Variants in EDEM3 observed in about 807,000 individuals in gnomAD.
The protein encoded by EDEM3 is ER degradation-enhancing alpha-mannosidase-like protein 3.
Under a neutral mutation model 110.2 loss-of-function variants are expected in EDEM3, and 60 were observed. The ratio of observed to expected loss-of-function variants is 0.54; its 90% CI spans 0.44 to 0.67. The LOEUF is 0.67. Among genes scored for constraint, EDEM3 ranks in the 30% least tolerant of loss-of-function variants. The probability of loss-of-function intolerance (pLI) is 0.00; values close to 1 mark genes in which losing one functional copy is unlikely to be tolerated. For missense variants in EDEM3, 996 were observed against 1,121.0 expected (o/e 0.89, Z 1.59); for synonymous variants, 352 against 382.9 (o/e 0.92, Z 0.94).
Position 184,712,404 on chromosome 1 carries a change from A to G in EDEM3, c.1536+29T>C, listed in dbSNP as rs746207565. The G allele has an allele frequency of 8.4e-6, 13 of 1,552,296 alleles. No homozygotes were observed. In the Admixed American group the frequency reaches 2.4e-4, roughly 29 times the overall value. ...AATAAAACATGTAGAAATAAAAAAG[A>G]GAATAAGACATTTCATTTAAAAACT... On this transcript the variant is annotated intron_variant, in intron 14 of 19. Coordinates refer to ENST00000318130, the MANE Select transcript of EDEM3 (RefSeq NM_025191.4).
At chr1:184,729,168 TAAGAAA>T (rs1156636348) in intron 6 of EDEM3, among the ~76,000 whole-genome samples, 3 of 152,028 alleles carry the variant, frequency 2.0e-5, no homozygotes, top group Non-Finnish European at 4.4e-5. Flanking sequence ...TTGAGAGGTT[TAAGAAA>T]AAAAGAGATG....
At chr1:184,716,467 G>A (rs926384217) in intron 13 of EDEM3, among the ~76,000 whole-genome samples, 3 of 151,980 alleles carry the variant, frequency 2.0e-5, no homozygotes, top group African/African-American at 7.2e-5. Context: ...AGTCAGCAAC[G>A]GTGTAAGTAC....
intron 7 of EDEM3, among the ~76,000 whole-genome samples, chr1:184,724,206 C>G (rs1377049553): frequency 6.6e-6 from 1 of 151,966 alleles, no homozygotes; most frequent in Non-Finnish European, 1.5e-5. Flanking sequence ...TAATTGCTTA[C>G]ATAATTGATA....
At chr1:184,697,073 G>A (rs757883002) in intron 19 of EDEM3, among the ~76,000 whole-genome samples, 8 of 151,748 alleles carry the variant, frequency 5.3e-5, no homozygotes, top group African/African-American at 1.9e-4. Context: ...AGAAGACTAT[G>A]CAAATACCAA....
At chr1:184,696,844 C>T (rs912549099) in intron 19 of EDEM3, among the ~76,000 whole-genome samples, 8 of 151,794 alleles carry the variant, frequency 5.3e-5, no homozygotes, top group Non-Finnish European at 1.0e-4. Context: ...GGTTGTTTTA[C>T]CTGGTAATGA....
At chr1:184,704,322 C>T (rs1225544431) in intron 18 of EDEM3, among the ~76,000 whole-genome samples, 1 of 151,992 alleles carries the variant, frequency 6.6e-6, no homozygotes, top group Non-Finnish European at 1.5e-5. Flanking sequence ...ACAAAAAACT[C>T]AGGAGAAAGA....
chr1:184,707,267 G>A (rs1242003694), intron 17 of EDEM3, among the ~76,000 whole-genome samples: 1 of 152,112 alleles, frequency 6.6e-6, no homozygotes, highest in Non-Finnish European at 1.5e-5. Flanking sequence ...GGGAAAAAAT[G>A]GACTTAGTCT....
At chr1:184,719,640 C>T in intron 9 of EDEM3, 72 bp from the exon 10 acceptor site, 1 of 1,427,068 alleles carries the variant, frequency 7.0e-7, no homozygotes, top group South Asian at 1.5e-5. Flanking sequence ...CATTAAATAG[C>T]ACTGTGAATA....
chr1:184,717,584 G>C lies in EDEM3; in HGVS notation c.1201C>G (p.Pro401Ala), dbSNP rs1231250606. ...TDFRVHWAQH[P>A]LRPEFAESTY... The stretch of plus-strand genomic sequence containing the variant: ...CTTTCTGCAAATTCTGGCCTTAAAG[G>C]ATGTTGAGCCCAGTGTACTCTGAAA... Residue 401 changes from proline to alanine, a missense_variant, in exon 12 of 20, where the codon CCT becomes GCT. Physicochemically the swap from Pro to Ala is conservative, Grantham distance 27 (BLOSUM62 -1). Transcript: ENST00000318130. The C allele has an allele frequency of 6.2e-7, 1 of 1,606,400 alleles. No homozygotes were observed. Among genetic ancestry groups the C allele is most frequent in the Admixed American group, 1.7e-5 (1 of 58,600 alleles).
chr1:184,728,631 G>C (rs1337121243), intron 6 of EDEM3, among the ~76,000 whole-genome samples: 1 of 150,930 alleles, frequency 6.6e-6, no homozygotes, highest in Non-Finnish European at 1.5e-5. Context: ...TTTTTGTGGG[G>C]ATGGAGTCTC....
intron 2 of EDEM3, among the ~76,000 whole-genome samples, chr1:184,747,554 C>T (rs1250289288): frequency 6.6e-6 from 1 of 152,182 alleles, no homozygotes; most frequent in African/African-American, 2.4e-5. Context: ...AAGAGTCACT[C>T]ACATTGTAAA....
At chr1:184,719,103 C>CGTGTGTGT (rs111917956) in intron 11 of EDEM3, 59 bp downstream of exon 11, 26 of 861,518 alleles carry the variant, frequency 3.0e-5, no homozygotes, top group Non-Finnish European at 4.1e-5. Flanking sequence ...TATATGTGTA[C>CGTGTGTGT]GTGTGTGTGT....
chr1:184,737,876 C>T (rs900967001), intron 2 of EDEM3, 165 bp from the exon 3 acceptor site: 2 of 623,358 alleles, frequency 3.2e-6, no homozygotes, highest in Non-Finnish European at 5.2e-6. Flanking sequence ...AAATGTAATA[C>T]ATGCTTGGAA....
chr1:184,711,982 A>G (rs1383249748), intron 14 of EDEM3, 105 bp from the exon 15 acceptor site: 1 of 846,072 alleles, frequency 1.2e-6, no homozygotes, highest in Non-Finnish European at 1.8e-6. Context: ...GCTGCAGTGC[A>G]GTGGCGTAAT....
At chr1:184,728,603 C>CT (rs60576808) in intron 6 of EDEM3, among the ~76,000 whole-genome samples, 87 of 143,982 alleles carry the variant, frequency 6.0e-4, no homozygotes, top group South Asian at 1.8e-3. Context: ...TATTAAACAA[C>CT]TTTTTTTTTT....
At chr1:184,706,305 G>A (rs1176139730) in intron 18 of EDEM3, among the ~76,000 whole-genome samples, 1 of 152,124 alleles carries the variant, frequency 6.6e-6, no homozygotes, top group Non-Finnish European at 1.5e-5. Context: ...CACTGGACGT[G>A]GCACAGTGTA....
intron 9 of EDEM3, 48 bp from the exon 10 acceptor site, chr1:184,719,616 T>C: frequency 6.2e-7 from 1 of 1,604,958 alleles, no homozygotes; most frequent in Non-Finnish European, 8.5e-7. Flanking sequence ...AAAAAAGAGG[T>C]ACTACTCTAA....
chr1:184,694,083 T>C lies in EDEM3; in HGVS notation c.2779A>G (p.Met927Val), dbSNP rs778411233. ...WNEDIEAFEM[M>V]EKDEL is the part of the protein sequence containing the mutation. ...GCAAGTCATAGCTCATCCTTCTCCA[T>C]CATTTCAAATGCTTCTATATCTTCA... is the stretch of plus-strand genomic sequence containing the variant. Residue 927 changes from methionine (M) to valine (V), a missense_variant, in exon 20 of 20, where the codon ATG becomes GTG. Around this residue, in one of 5 missense-constraint regions of EDEM3, gnomAD observed 345 missense variants for 402.0 expected, o/e 0.86. Transcript: ENST00000318130. 1.2e-6 allele frequency: 2 copies of C among 1,612,452 alleles called. No individual in the cohort carries two copies. The highest frequency in any genetic ancestry group is 1.1e-5 in the South Asian group (1 of 90,988).
chr1:184,744,175 GC>G (rs1558071524), intron 2 of EDEM3, among the ~76,000 whole-genome samples: 1 of 143,434 alleles, frequency 7.0e-6, no homozygotes, highest in Non-Finnish European at 1.5e-5. Context: ...TATATCCAAA[GC>G]ATATATTTGA....
Sources: gnomAD v4.1 joint callset for allele counts (sites outside exome capture counted in the v4.1 genomes callset) on GRCh38, gnomAD v4.1.1 for gene constraint, gnomAD v4.1.1 regional missense constraint, MANE v1.5 for transcripts, NCBI Gene and HGNC (gene_info 2026-07-23, HGNC 2026-07-21) for gene names.